PCDH9: variants seen among roughly 807,000 people sequenced by gnomAD.
The protein encoded by PCDH9 is protocadherin-9.
In PCDH9, 24 loss-of-function variants were observed where a neutral mutation model predicts 70.6. The observed-to-expected ratio is 0.34, with a 90% CI of 0.25 to 0.48. PCDH9 has a LOEUF of 0.48. Among genes scored for constraint, PCDH9 ranks in the 20% least tolerant of loss-of-function variants. PCDH9 has a pLI of 0.99. For synonymous variants in PCDH9, 562 were observed against 558.5 expected (o/e 1.01, Z -0.09); for missense variants, 1,281 against 1,503.6 (o/e 0.85, Z 2.45).
chr13:66,654,567 A>G (rs1037629128), intron 3 of PCDH9, among the ~76,000 whole-genome samples: 20 of 152,330 alleles, frequency 1.3e-4, no homozygotes, highest in Non-Finnish European at 8.8e-5. Context: ...ACCTGTATCA[A>G]AATCTTATGT....
chr13:66,407,720 C>A (rs1957303695), intron 4 of PCDH9, among the ~76,000 whole-genome samples: 3 of 152,104 alleles, frequency 2.0e-5, no homozygotes, highest in Admixed American at 2.0e-4. Context: ...TTATGTTGAG[C>A]ATTTAACATA....
intron 3 of PCDH9, among the ~76,000 whole-genome samples, chr13:66,854,625 T>A (rs544741898): frequency 7.1e-6 from 1 of 140,988 alleles, no homozygotes; most frequent in Non-Finnish European, 1.5e-5. Context: ...TAGTGCCACT[T>A]TTTTTTTTGT....
intron 2 of PCDH9, among the ~76,000 whole-genome samples, chr13:66,987,882 T>G (rs1348167288): frequency 2.0e-5 from 3 of 151,950 alleles, no homozygotes; most frequent in Non-Finnish European, 4.4e-5. Context: ...AGTGGAAATT[T>G]TAATAATTTA....
chr13:66,717,218 G>A (rs2030079444), intron 3 of PCDH9, among the ~76,000 whole-genome samples: 1 of 151,800 alleles, frequency 6.6e-6, no homozygotes. Flanking sequence ...CACTTTGGGA[G>A]GCCGAGGCGA....
intron 4 of PCDH9, among the ~76,000 whole-genome samples, chr13:66,351,161 G>C (rs1466247297): frequency 1.3e-5 from 2 of 150,828 alleles, no homozygotes; most frequent in East Asian, 3.9e-4. Context: ...TTTTTCATTT[G>C]ATTCTTTCTA....
intron 2 of PCDH9, among the ~76,000 whole-genome samples, chr13:67,016,430 A>G (rs972475163): frequency 6.6e-6 from 1 of 152,198 alleles, no homozygotes; most frequent in Non-Finnish European, 1.5e-5. Flanking sequence ...TACTCAAGAA[A>G]AGCAGGCTAT....
chr13:66,537,929 T>C (rs1176532434), intron 4 of PCDH9, among the ~76,000 whole-genome samples: 1 of 152,138 alleles, frequency 6.6e-6, no homozygotes, highest in Non-Finnish European at 1.5e-5. Context: ...GGATTGTTCC[T>C]GGGAAAAAAT....
At chr13:67,064,102 T>C (rs542467683) in intron 2 of PCDH9, among the ~76,000 whole-genome samples, 1 of 152,294 alleles carries the variant, frequency 6.6e-6, no homozygotes, top group Admixed American at 6.5e-5. Flanking sequence ...GTTAAAGTGC[T>C]GGAGACCTCT....
chr13:66,379,975 G>T (rs1956816087), intron 4 of PCDH9, among the ~76,000 whole-genome samples: 1 of 152,070 alleles, frequency 6.6e-6, no homozygotes, highest in Non-Finnish European at 1.5e-5. Flanking sequence ...TCAATTTTTA[G>T]ATAGAGAAGA....
rs1273815661 is a variant in PCDH9 at position 67,114,710 on chromosome 13, T to C, written c.3036+110695A>G. 3.3e-5 allele frequency among the ~76,000 whole-genome samples: 5 copies of C among 152,322 alleles called. No homozygotes were observed. The East Asian group carries it at 9.6e-4, about 29-fold the overall frequency. ...GTCCTCTATGTAACAGTCCCTTCCA[T>C]GCATTCTAACTTTGTAAACTAAAAT... On this transcript the variant is annotated intron_variant, in intron 2 of 4. Transcript: ENST00000377865.
chr13:66,409,959 A>T (rs1957342628), intron 4 of PCDH9, among the ~76,000 whole-genome samples: 1 of 152,194 alleles, frequency 6.6e-6, no homozygotes. Flanking sequence ...ACCTAACAGC[A>T]GTGAGAAGCA....
chr13:66,457,227 T>C (rs1958334800), intron 4 of PCDH9, among the ~76,000 whole-genome samples: 1 of 152,140 alleles, frequency 6.6e-6, no homozygotes. Context: ...TATGGCATAT[T>C]CATATGTATG....
At chr13:66,524,028 G>C (rs1257964756) in intron 4 of PCDH9, among the ~76,000 whole-genome samples, 4 of 151,982 alleles carry the variant, frequency 2.6e-5, no homozygotes, top group Non-Finnish European at 5.9e-5. Flanking sequence ...TAGAGTGCTT[G>C]GTCATTCAGC....
At chr13:66,656,331 A>G (rs1273206818) in intron 3 of PCDH9, among the ~76,000 whole-genome samples, 1 of 152,190 alleles carries the variant, frequency 6.6e-6, no homozygotes, top group Non-Finnish European at 1.5e-5. Flanking sequence ...GAGTTAATTA[A>G]CAGAGAAGGC....
chr13:66,826,885 C>T (rs2080833312), intron 3 of PCDH9, among the ~76,000 whole-genome samples: 1 of 152,106 alleles, frequency 6.6e-6, no homozygotes, highest in Admixed American at 6.6e-5. Flanking sequence ...TTGGTTTCAG[C>T]AGAGCAATTC....
In PCDH9 at chr13:66,304,260, C is replaced by CAAAA. The variant is rs55837718; in HGVS notation, c.*391_*394dup. The CAAAA allele has an allele frequency of 2.3e-4, 15 of 65,468 alleles. 1 individual carries two copies. Among genetic ancestry groups the CAAAA allele is most frequent in the South Asian group, 6.4e-4 (1 of 1,556 alleles). The allele number at this position is 65,468 out of a possible 1,614,324, so 4.1% of individuals were successfully genotyped here. A position where few individuals can be genotyped will look rare whatever the true frequency, so the allele number is the denominator to read the frequency against. ...TAGCAGTCCCAGCACAAATCAATGA[C>CAAAA]AAAAAAAAAAAAAAAAAAAAAAAAA... On this transcript the variant is annotated 3_prime_UTR_variant, in exon 5 of 5. Coordinates refer to ENST00000377865, the MANE Select transcript of PCDH9 (RefSeq NM_203487.3).
chr13:66,530,336 A>G (rs1960398554), intron 4 of PCDH9, among the ~76,000 whole-genome samples: 1 of 152,098 alleles, frequency 6.6e-6, no homozygotes, highest in African/African-American at 2.4e-5. Flanking sequence ...CTGAAACATG[A>G]AAACTTAATG....
At chr13:66,977,218 C>T (rs1265521429) in intron 2 of PCDH9, among the ~76,000 whole-genome samples, 1 of 152,022 alleles carries the variant, frequency 6.6e-6, no homozygotes, top group Non-Finnish European at 1.5e-5. Flanking sequence ...ATATGCTTGA[C>T]ATTTGGGGGA....
chr13:66,780,910 A>G (rs1329187862), intron 3 of PCDH9, among the ~76,000 whole-genome samples: 1 of 152,148 alleles, frequency 6.6e-6, no homozygotes, highest in Non-Finnish European at 1.5e-5. Context: ...TGTTTAGAAG[A>G]CCAATAACAA....
Sources: gnomAD v4.1 joint callset for allele counts (sites outside exome capture counted in the v4.1 genomes callset) on GRCh38, gnomAD v4.1.1 for gene constraint, MANE v1.5 for transcripts, NCBI Gene and HGNC (gene_info 2026-07-23, HGNC 2026-07-21) for gene names.